EIF4G3: variants seen among roughly 807,000 people sequenced by gnomAD.
EIF4G3 encodes the protein eukaryotic translation initiation factor 4 gamma 3, also known as eIF-4-gamma 3.
EIF4G3 carries 34 observed loss-of-function variants against 186.4 expected under a neutral mutation model. The observed-to-expected ratio is 0.18, with a 90% CI of 0.14 to 0.24. The LOEUF is 0.24. Ranked by LOEUF, EIF4G3 falls within the 10% of genes least tolerant of loss-of-function variation. EIF4G3 has a pLI of 1.00. For synonymous variants in EIF4G3, 673 were observed against 679.5 expected (o/e 0.99, Z 0.15); for missense variants, 1,536 against 1,948.5 (o/e 0.79, Z 3.99).
chr1:20,813,491 C>T (rs1210885211), intron 34 of EIF4G3, among the ~76,000 whole-genome samples: 3 of 151,012 alleles, frequency 2.0e-5, no homozygotes, highest in Non-Finnish European at 4.4e-5. Context: ...ACTGCTTGAT[C>T]CCAAGGGTTT....
intron 32 of EIF4G3, among the ~76,000 whole-genome samples, chr1:20,826,495 T>TC (rs1324077307): frequency 1.4e-5 from 2 of 138,056 alleles, no homozygotes; most frequent in East Asian, 4.2e-4. Context: ...TTTTTTTTTT[T>TC]TTTTTTTTTT....
At chr1:20,970,609 T>C (rs997528079) in intron 11 of EIF4G3, among the ~76,000 whole-genome samples, 1 of 146,410 alleles carries the variant, frequency 6.8e-6, no homozygotes, top group African/African-American at 2.5e-5. Context: ...CAAGACTCCA[T>C]TTAAAAAAAA....
chr1:21,052,551 TCTCCCTCCTCTC>T (rs2094286432), intron 3 of EIF4G3, among the ~76,000 whole-genome samples: 1 of 151,684 alleles, frequency 6.6e-6, no homozygotes, highest in Non-Finnish European at 1.5e-5. Flanking sequence ...CTCCTCTCCC[TCTCCCTCCTCTC>T]CCTCTCCCTC....
chr1:21,025,296 G>C (rs2091898813), intron 4 of EIF4G3, among the ~76,000 whole-genome samples: 1 of 152,138 alleles, frequency 6.6e-6, no homozygotes, highest in Non-Finnish European at 1.5e-5. Context: ...GAACAGGGCA[G>C]AAATATCATC....
chr1:21,143,151 A>C (rs2097369393), intron 2 of EIF4G3, among the ~76,000 whole-genome samples: 1 of 152,058 alleles, frequency 6.6e-6, no homozygotes, highest in Non-Finnish European at 1.5e-5. Context: ...AGGGAGGTTG[A>C]GGCTGGAGAA....
chr1:20,955,823 G>A (rs947903003), intron 12 of EIF4G3, among the ~76,000 whole-genome samples: 3 of 152,068 alleles, frequency 2.0e-5, no homozygotes, highest in African/African-American at 7.2e-5. Context: ...GTCTGAGAAA[G>A]GGAACACTGG....
intron 2 of EIF4G3, among the ~76,000 whole-genome samples, chr1:21,117,159 A>C (rs1387751362): frequency 6.6e-6 from 1 of 152,162 alleles, no homozygotes; most frequent in African/African-American, 2.4e-5. Flanking sequence ...TCTTAAGGAG[A>C]TATGTCAATC....
At chr1:21,088,416 T>A (rs1164637636) in intron 3 of EIF4G3, among the ~76,000 whole-genome samples, 1 of 132,058 alleles carries the variant, frequency 7.6e-6, no homozygotes, top group East Asian at 2.1e-4. Context: ...CAAAACTCCA[T>A]CTCAAAATTT....
At position 21,021,303 on chromosome 1, in the gene EIF4G3, T is replaced by C. The variant is rs58399127; in HGVS notation, c.-66-18495A>G. 5.2e-3 allele frequency among the ~76,000 whole-genome samples: 789 copies of C among 152,200 alleles called. 7 individuals are homozygous for C. The highest frequency in any genetic ancestry group is 0.018 in the African/African-American group (758 of 41,542). ...CCAGCCTATTTCTTCTTAGTGACTC[T>C]AGCTTCCCTTTCCCTTTTGAAATAA... On this transcript the variant is annotated intron_variant, in intron 4 of 36. Coordinates refer to ENST00000602326, the MANE Select transcript of EIF4G3 (RefSeq NM_001391906.1).
chr1:21,066,137 G>A (rs957059635), intron 3 of EIF4G3, among the ~76,000 whole-genome samples: 1 of 151,944 alleles, frequency 6.6e-6, no homozygotes, highest in African/African-American at 2.4e-5. Flanking sequence ...AACAGAGCGA[G>A]ACTCTGTCTC....
Position 20,985,528 on chromosome 1 carries a change from A to AT in EIF4G3, c.178-3121_178-3120insA, listed in dbSNP as rs200615055. ...TGACTAGAAATGCAAAAAAAAAAAA[A>AT]AATATATATCCTTTTTGTACTCCTT... On this transcript the variant is annotated intron_variant, in intron 7 of 36. Coordinates refer to ENST00000602326, the MANE Select transcript of EIF4G3 (RefSeq NM_001391906.1). Among the ~76,000 whole-genome samples, 584 of 129,264 alleles carry AT rather than the reference A, an allele frequency of 4.5e-3. 6 individuals carry two copies. Among genetic ancestry groups the AT allele is most frequent in the East Asian group, 0.026 (133 of 5,044 alleles). The allele number at this position is 129,264 out of a possible 152,430, so 84.8% of individuals were successfully genotyped here. A position where few individuals can be genotyped will look rare whatever the true frequency, so the allele number is the denominator to read the frequency against.
intron 32 of EIF4G3, among the ~76,000 whole-genome samples, chr1:20,826,293 A>T (rs1213927274): frequency 1.3e-5 from 2 of 152,008 alleles, no homozygotes; most frequent in Non-Finnish European, 2.9e-5. Context: ...CAGCCTCCCA[A>T]GTAGCTGGGA....
chr1:21,167,099 T>G (rs1452153020), intron 2 of EIF4G3, among the ~76,000 whole-genome samples: 3 of 152,138 alleles, frequency 2.0e-5, no homozygotes, highest in Non-Finnish European at 4.4e-5. Context: ...TCCGACCAAG[T>G]TCTATTTCTT....
In EIF4G3 at chr1:20,862,270, A is replaced by G; in HGVS notation, c.3069T>C (p.Ser1023=). The change falls in exon 23 of 37, where the codon TCT becomes TCC. Residue 1023 remains serine, a synonymous_variant. Transcript: ENST00000602326. ...CATCTTGAAGCATGAACCGAATCCT[A>G]GATGAGGTTTTTCTTTCTTTCACAA... ...EKIVKERKTS[S]RIRFMLQDVI... The G allele has an allele frequency of 6.2e-7, 1 of 1,612,958 alleles. No homozygotes were observed. Among genetic ancestry groups the G allele is most frequent in the African/African-American group, 1.3e-5 (1 of 74,988 alleles).
At chr1:20,966,220 C>T (rs763523690) in intron 12 of EIF4G3, among the ~76,000 whole-genome samples, 1 of 152,306 alleles carries the variant, frequency 6.6e-6, no homozygotes, top group South Asian at 2.1e-4. Context: ...GCCAATACTA[C>T]AGTATTTACT....
chr1:21,051,564 A>G (rs6693020), intron 3 of EIF4G3, among the ~76,000 whole-genome samples: 44,342 of 152,134 alleles, frequency 0.29, 8,244 homozygotes, highest in Non-Finnish European at 0.41. Flanking sequence ...TTAAAAACAT[A>G]TATCTGGCCA....
At chr1:20,938,286 C>T (rs566099820) in intron 14 of EIF4G3, among the ~76,000 whole-genome samples, 3 of 152,300 alleles carry the variant, frequency 2.0e-5, no homozygotes, top group East Asian at 1.9e-4. Flanking sequence ...TGAGCCACCG[C>T]GCCCGGCCTC....
chr1:21,000,685 C>G (rs926799504), intron 6 of EIF4G3, among the ~76,000 whole-genome samples: 1 of 151,892 alleles, frequency 6.6e-6, no homozygotes, highest in African/African-American at 2.4e-5. Flanking sequence ...AGTCTGGGGT[C>G]TGCTAGTCTT....
At chr1:20,813,947 G>GTTTTTT (rs576925301) in intron 34 of EIF4G3, among the ~76,000 whole-genome samples, 4 of 77,330 alleles carry the variant, frequency 5.2e-5, no homozygotes, top group Admixed American at 2.1e-4. Context: ...ATGAGTCACT[G>GTTTTTT]TTTTTTTTTT....
Sources: allele counts gnomAD v4.1 joint callset (sites outside exome capture counted in the v4.1 genomes callset), GRCh38; gene constraint gnomAD v4.1.1; transcripts MANE v1.5; gene names NCBI Gene and HGNC (gene_info 2026-07-23, HGNC 2026-07-21).